Variants in VPS35L observed in about 807,000 individuals in gnomAD.
The protein encoded by VPS35L is VPS35 endosomal protein-sorting factor-like.
Under a neutral mutation model 133.0 loss-of-function variants are expected in VPS35L, and 83 were observed. The ratio of observed to expected loss-of-function variants is 0.62; its 90% CI spans 0.52 to 0.75. The LOEUF (loss-of-function observed/expected upper bound fraction) is 0.75, where lower values mean the gene tolerates loss of function less well. Among genes scored for constraint, VPS35L ranks in the 30% least tolerant of loss-of-function variants. The probability of loss-of-function intolerance (pLI) is 0.00; values close to 1 mark genes in which losing one functional copy is unlikely to be tolerated. For synonymous variants in VPS35L, 423 were observed against 449.9 expected (o/e 0.94, Z 0.76); for missense variants, 1,083 against 1,206.8 (o/e 0.90, Z 1.52).
chr16:19,662,458 C>T (rs1049912429), intron 26 of VPS35L, among the ~76,000 whole-genome samples: 14 of 152,198 alleles, frequency 9.2e-5, no homozygotes, highest in African/African-American at 3.4e-4. Context: ...CTAAGAGGCT[C>T]TGCTGCCTGA....
chr16:19,587,399 G>T (rs1390649124), intron 7 of VPS35L: 2 of 445,124 alleles, frequency 4.5e-6, no homozygotes, highest in Non-Finnish European at 9.0e-6. Context: ...GGAGGCTGAG[G>T]TGGGCGGATC....
intron 19 of VPS35L, among the ~76,000 whole-genome samples, chr16:19,635,488 A>C (rs1973595942): frequency 6.6e-6 from 1 of 152,246 alleles, no homozygotes; most frequent in African/African-American, 2.4e-5. Flanking sequence ...AATGGAATGC[A>C]GTGCGCAATC....
Position 19,579,042 on chromosome 16 carries a change from T to C in VPS35L, c.434-10T>C. ...AAGCCACCTGTGTGACGTAAATTCA[T>C]TCTGTTTAGGCAAAGCTGGGACTGC... On this transcript the variant is annotated splice_polypyrimidine_tract_variant and intron_variant, in intron 5 of 30. Coordinates refer to ENST00000417362, the MANE Select transcript of VPS35L (RefSeq NM_020314.7). 6.2e-7 allele frequency: 1 copy of C among 1,613,820 alleles called. No individual in the cohort carries two copies. Among genetic ancestry groups the C allele is most frequent in the Non-Finnish European group, 8.5e-7 (1 of 1,179,916 alleles).
At chr16:19,666,927 T>TCTTCCTTTCTTCCTTTCTTCCTTTCTTC (rs57691626) in intron 26 of VPS35L, among the ~76,000 whole-genome samples, 26 of 62,962 alleles carry the variant, frequency 4.1e-4, no homozygotes, top group African/African-American at 1.7e-3. Context: ...TTTCTTTCTT[T>TCTTCCTTTCTTCCTTTCTTCCTTTCTTC]CTTTCTTCCT....
rs1186476598 is a variant in VPS35L at position 19,700,893 on chromosome 16, CT to C, written c.*420del. 1 of 164,654 alleles carries C rather than the reference CT, an allele frequency of 6.1e-6. No individual in the cohort carries two copies. Among genetic ancestry groups the C allele is most frequent in the African/African-American group, 2.4e-5 (1 of 41,822 alleles). 10.2% of individuals were successfully genotyped at this position (164,654 alleles called of 1,614,324 possible). A position where few individuals can be genotyped will look rare whatever the true frequency, so the allele number is the denominator to read the frequency against. On this transcript the variant is annotated 3_prime_UTR_variant, in exon 31 of 31. Coordinates refer to ENST00000417362, the MANE Select transcript of VPS35L (RefSeq NM_020314.7). Reference sequence around the variant, plus strand: ...TGTTCCAGACCCATTCCATTCCAGACTTTGTACCTTAAAGTTAGAGCACACC... The same window carrying C: ...TGTTCCAGACCCATTCCATTCCAGACTTGTACCTTAAAGTTAGAGCACACC...
intron 4 of VPS35L, 194 bp downstream of exon 4, chr16:19,573,435 CA>C (rs529250434): frequency 1.7e-3 from 905 of 517,522 alleles, no homozygotes; most frequent in East Asian, 2.5e-3. Context: ...ACAGGTTTCC[CA>C]AAAAAAAATG....
At chr16:19,569,712 A>G (rs1039294734) in intron 3 of VPS35L, 121 bp downstream of exon 3, 3 of 1,097,696 alleles carry the variant, frequency 2.7e-6, no homozygotes, top group Non-Finnish European at 3.7e-6. Flanking sequence ...TCTGTCACCC[A>G]GGCTGGAGTG....
intron 5 of VPS35L, 121 bp downstream of exon 5, chr16:19,575,243 T>C (rs1173679681): frequency 2.2e-6 from 2 of 894,398 alleles, no homozygotes; most frequent in Admixed American, 2.3e-5. Flanking sequence ...GGAGCTGCTA[T>C]TTCTTAGATT....
chr16:19,627,576 T>G (rs1421519394), intron 15 of VPS35L, 118 bp from the exon 16 acceptor site: 2 of 775,060 alleles, frequency 2.6e-6, no homozygotes, highest in Non-Finnish European at 4.3e-6. Flanking sequence ...TTTTTTGTTT[T>G]TCCCCAACCC....
At position 19,666,996 on chromosome 16, in the gene VPS35L, T is replaced by TCTTTCTTTCTTTCTTTC. The variant is rs147556257; in HGVS notation, c.2222-2164_2222-2163insCTTTCTTTCTTTCTTTC. ...TCTTCCTTTCTTTCTTTCTTTCTTT[T>TCTTTCTTTCTTTCTTTC]TTTTTGAGACAGAGCATTGCTCTGT... On this transcript the variant is annotated intron_variant, in intron 26 of 30. Coordinates refer to ENST00000417362, the MANE Select transcript of VPS35L (RefSeq NM_020314.7). Among the ~76,000 whole-genome samples, 114 of 107,834 alleles carry TCTTTCTTTCTTTCTTTC rather than the reference T, an allele frequency of 1.1e-3. 1 individual carries two copies. Among genetic ancestry groups the TCTTTCTTTCTTTCTTTC allele is most frequent in the Middle Eastern group, 4.9e-3 (1 of 204 alleles). 70.7% of individuals were successfully genotyped at this position (107,834 alleles called of 152,430 possible). A position where few individuals can be genotyped will look rare whatever the true frequency, so the allele number is the denominator to read the frequency against.
At chr16:19,569,116 T>C (rs1160004670) in intron 2 of VPS35L, 10 of 526,982 alleles carry the variant, frequency 1.9e-5, no homozygotes, top group South Asian at 1.2e-4. Flanking sequence ...TTGCTACTTA[T>C]ATTGAGTTGG....
At chr16:19,630,590 T>A (rs1043957833) in intron 18 of VPS35L, among the ~76,000 whole-genome samples, 7 of 152,068 alleles carry the variant, frequency 4.6e-5, no homozygotes, top group African/African-American at 1.7e-4. Flanking sequence ...CGCCTCTGCC[T>A]CCCAAAGTGC....
intron 14 of VPS35L, among the ~76,000 whole-genome samples, chr16:19,621,085 G>T (rs1973064589): frequency 6.6e-6 from 1 of 152,210 alleles, no homozygotes; most frequent in African/African-American, 2.4e-5. Context: ...GATTAAAAGA[G>T]TGAGGTAGAT....
chr16:19,651,781 C>T (rs746247559), intron 25 of VPS35L, among the ~76,000 whole-genome samples, 195 bp from the exon 26 acceptor site: 1 of 152,098 alleles, frequency 6.6e-6, no homozygotes, highest in Non-Finnish European at 1.5e-5. Flanking sequence ...CCTGCATTAT[C>T]ACTCACTCCC....
At chr16:19,647,698 A>G (rs1351399716) in intron 23 of VPS35L, 86 bp from the exon 24 acceptor site, 12 of 1,021,200 alleles carry the variant, frequency 1.2e-5, no homozygotes, top group Non-Finnish European at 1.9e-5. Context: ...ATGAGGTGGC[A>G]ATAATAATAT....
At chr16:19,631,419 C>A (rs1298054424) in intron 18 of VPS35L, among the ~76,000 whole-genome samples, 1 of 152,138 alleles carries the variant, frequency 6.6e-6, no homozygotes, top group African/African-American at 2.4e-5. Flanking sequence ...CCATCCTGGC[C>A]TCTAACACCA....
At chr16:19,616,633 T>C (rs2151553546) in intron 13 of VPS35L, 53 bp from the exon 14 acceptor site, 1 of 1,589,722 alleles carries the variant, frequency 6.3e-7, no homozygotes, top group East Asian at 2.2e-5. Context: ...TATGTTTTGT[T>C]TGTTGTTTGG....
chr16:19,607,688 T>C (rs991748574), intron 9 of VPS35L: 2 of 153,924 alleles, frequency 1.3e-5, no homozygotes, highest in East Asian at 3.8e-4. Context: ...ACATTTCATG[T>C]TGCAGTCGCA....
chr16:19,585,571 T>G (rs932688651), intron 7 of VPS35L, among the ~76,000 whole-genome samples: 1 of 151,882 alleles, frequency 6.6e-6, no homozygotes, highest in Admixed American at 6.6e-5. Flanking sequence ...CCAGTTTATT[T>G]AAAATTTTTT....
Sources: gnomAD v4.1 joint callset for allele counts (sites outside exome capture counted in the v4.1 genomes callset) on GRCh38, gnomAD v4.1.1 for gene constraint, MANE v1.5 for transcripts, NCBI Gene and HGNC (gene_info 2026-07-23, HGNC 2026-07-21) for gene names.